Variants in GNS observed in about 807,000 individuals in gnomAD.
GNS encodes the protein glucosamine (N-acetyl)-6-sulfatase, also known as N-acetylglucosamine-6-sulfatase.
A neutral mutation model predicts 69.7 loss-of-function variants in GNS; 40 were observed. The observed-to-expected ratio is 0.57, with a 90% confidence interval of 0.45 to 0.75. GNS has a LOEUF of 0.75. Ranked by LOEUF, GNS falls within the 30% of genes least tolerant of loss-of-function variation. The pLI is 0.00. For synonymous variants in GNS, 243 were observed against 251.6 expected (o/e 0.97, Z 0.32); for missense variants, 565 against 685.5 (o/e 0.82, Z 1.96).
chr12:64,716,883 G>A lies in GNS; in HGVS notation c.1581-64C>T, dbSNP rs374071486. On this transcript the variant is annotated intron_variant, in intron 13 of 13. Transcript: ENST00000258145. ...AGCTTCTCACTCAGAATATTATTCAGTGGAAAGGATAGCAGGAAGGGGTGT... is the reference window on the plus strand; with the variant it reads ...AGCTTCTCACTCAGAATATTATTCAATGGAAAGGATAGCAGGAAGGGGTGT... 8.3e-5 allele frequency: 85 copies of A among 1,027,540 alleles called. No individual in the cohort carries two copies. In the South Asian group the frequency reaches 9.8e-4, roughly 12 times the overall value. The allele number at this position is 1,027,540 out of a possible 1,614,324, so 63.7% of individuals were successfully genotyped here.
At chr12:64,729,960 T>C (rs1172359883) in intron 9 of GNS, among the ~76,000 whole-genome samples, 1 of 152,198 alleles carries the variant, frequency 6.6e-6, no homozygotes, top group East Asian at 1.9e-4. Flanking sequence ...ATCTGGTATT[T>C]CACAATAATA....
chr12:64,753,861 C>T (rs1870158498), intron 1 of GNS, among the ~76,000 whole-genome samples: 1 of 152,196 alleles, frequency 6.6e-6, no homozygotes, highest in Admixed American at 6.5e-5. Context: ...CGCCAGCCTT[C>T]CGAAGCAAGG....
At chr12:64,745,764 G>C (rs1465812933) in intron 3 of GNS, 40 bp from the exon 4 acceptor site, 1 of 1,204,830 alleles carries the variant, frequency 8.3e-7, no homozygotes, top group Non-Finnish European at 1.2e-6. Context: ...CAAGTCCTTA[G>C]ATATGACCAG....
intron 10 of GNS, among the ~76,000 whole-genome samples, chr12:64,724,347 G>A (rs1357457411): frequency 6.6e-6 from 1 of 152,212 alleles, no homozygotes; most frequent in African/African-American, 2.4e-5. Context: ...CAATTCTGGG[G>A]AATGCCTGTT....
chr12:64,732,598 C>T (rs1383631014), intron 9 of GNS, among the ~76,000 whole-genome samples: 8 of 151,112 alleles, frequency 5.3e-5, no homozygotes, highest in Non-Finnish European at 7.4e-5. Flanking sequence ...GTAACTGGGA[C>T]TATAGGCGCC....
intron 6 of GNS, 84 bp downstream of exon 6, chr12:64,743,057 A>G (rs1355943272): frequency 1.9e-6 from 2 of 1,038,128 alleles, no homozygotes; most frequent in Admixed American, 1.7e-5. Flanking sequence ...AAAACCCACT[A>G]CATGGCTCAA....
chr12:64,756,641 A>G, intron 1 of GNS: 1 of 810,272 alleles, frequency 1.2e-6, no homozygotes, highest in Admixed American at 2.0e-5. Context: ...GTGATGACTG[A>G]AGCACAAGTA....
At chr12:64,749,331 C>T (rs1204040526) in intron 2 of GNS, among the ~76,000 whole-genome samples, 1 of 141,882 alleles carries the variant, frequency 7.0e-6, no homozygotes, top group Non-Finnish European at 1.5e-5. Context: ...CAGCTCACTG[C>T]AAGCTCCGCC....
At chr12:64,723,643 T>C (rs999610091) in intron 10 of GNS, among the ~76,000 whole-genome samples, 5 of 152,204 alleles carry the variant, frequency 3.3e-5, no homozygotes, top group Non-Finnish European at 2.9e-5. Flanking sequence ...TGTACATTCA[T>C]GGTGTGGAAG....
chr12:64,749,102 G>A (rs1380231328), intron 2 of GNS, among the ~76,000 whole-genome samples: 1 of 151,300 alleles, frequency 6.6e-6, no homozygotes, highest in Non-Finnish European at 1.5e-5. Context: ...ACCATGCCTG[G>A]CTAATTTTTT....
At chr12:64,721,519 C>A in intron 12 of GNS, 76 bp downstream of exon 12, 1 of 797,460 alleles carries the variant, frequency 1.3e-6, no homozygotes, top group South Asian at 1.3e-5. Flanking sequence ...TGGAATTGCT[C>A]TTATGCCACC....
At chr12:64,736,945 A>G (rs1270169781) in intron 9 of GNS, 59 bp downstream of exon 9, 1 of 858,494 alleles carries the variant, frequency 1.2e-6, no homozygotes, top group African/African-American at 1.6e-5. Context: ...AGGAGGAAAC[A>G]CCTTATTTTC....
rs1868981242 is a variant in GNS at position 64,720,190 on chromosome 12, A to G, written c.1420-8T>C. ...ATAGACTTCTACAAACACCTAGAGG[A>G]CATGAAAGAATGGAGGAAAGAAAAG... On this transcript the variant is annotated splice_polypyrimidine_tract_variant and splice_region_variant and intron_variant, in intron 12 of 13. Transcript: ENST00000258145. 6.3e-7 allele frequency: 1 copy of G among 1,575,258 alleles called. No homozygotes were observed. The highest frequency in any genetic ancestry group is 1.1e-5 in the South Asian group (1 of 90,314).
At chr12:64,742,991 T>TTA in intron 6 of GNS, 150 bp downstream of exon 6, 1 of 753,550 alleles carries the variant, frequency 1.3e-6, no homozygotes, top group Non-Finnish European at 2.4e-6. Flanking sequence ...CAATGCAAGT[T>TTA]TATACTATTG....
At position 64,716,338 on chromosome 12, in the gene GNS, C is replaced by G; in HGVS notation, c.*403G>C. 1 of 272,790 alleles carries G rather than the reference C, an allele frequency of 3.7e-6. No individual in the cohort carries two copies. Among genetic ancestry groups the G allele is most frequent in the South Asian group, 4.2e-5 (1 of 23,944 alleles). The allele number at this position is 272,790 out of a possible 1,614,324, so 16.9% of individuals were successfully genotyped here. A position where few individuals can be genotyped will look rare whatever the true frequency, so the allele number is the denominator to read the frequency against. On this transcript the variant is annotated 3_prime_UTR_variant, in exon 14 of 14. Transcript: ENST00000258145. ...CTACACAGGTCCTTTGACTTTAGGT[C>G]AAGCTTACATATCAAAAGGTGTGTC...
At chr12:64,751,925 T>A (rs1248881423) in intron 2 of GNS, among the ~76,000 whole-genome samples, 2 of 145,548 alleles carry the variant, frequency 1.4e-5, no homozygotes, top group African/African-American at 2.6e-5. Flanking sequence ...GAGGCCGAGG[T>A]TGCAGTGAGT....
At chr12:64,752,493 C>T (rs1413323840) in intron 2 of GNS, among the ~76,000 whole-genome samples, 1 of 152,118 alleles carries the variant, frequency 6.6e-6, no homozygotes, top group Non-Finnish European at 1.5e-5. Flanking sequence ...AGTTCTGAGA[C>T]TGGCTTAGAA....
Position 64,739,273 on chromosome 12 carries a change from G to A in GNS, c.994+108C>T, listed in dbSNP as rs1869652534. 7.6e-6 allele frequency: 6 copies of A among 788,714 alleles called. No homozygotes were observed. The South Asian group carries it at 8.1e-5, about 11-fold the overall frequency. The allele number at this position is 788,714 out of a possible 1,614,324, so 48.9% of individuals were successfully genotyped here. On this transcript the variant is annotated intron_variant, in intron 8 of 13. Transcript: ENST00000258145. The stretch of plus-strand genomic sequence containing the variant: ...TCCTGAGGGCAAGATCCTCCCTCTG[G>A]CATGTCCACAGTTATAAAAAGACTA...
At chr12:64,746,376 G>A (rs1433546909) in intron 3 of GNS, 1 of 152,364 alleles carries the variant, frequency 6.6e-6, no homozygotes, top group Non-Finnish European at 1.5e-5. Flanking sequence ...AAAACTTTTT[G>A]AGTGCCAACA....
Sources: gnomAD v4.1 joint callset for allele counts (sites outside exome capture counted in the v4.1 genomes callset) on GRCh38, gnomAD v4.1.1 for gene constraint, MANE v1.5 for transcripts, NCBI Gene and HGNC (gene_info 2026-07-23, HGNC 2026-07-21) for gene names.